ZNF492: variants seen among roughly 807,000 people sequenced by gnomAD.
ZNF492 encodes the protein zinc finger protein 492, also known as zinc finger protein 115 (Y20).
ZNF492 carries 3 observed loss-of-function variants against 6.4 expected under a neutral mutation model. The observed-to-expected ratio is 0.47, with a 90% CI of 0.21 to 1.22. ZNF492 has a LOEUF of 1.22. Ranked by LOEUF, ZNF492 falls within the 50% of genes most tolerant of loss-of-function variation. ZNF492 has a pLI of 0.22. For synonymous variants in ZNF492, 112 were observed against 205.3 expected, an observed-to-expected ratio of 0.55 and a Z score of 3.89; for missense variants, 356 against 612.5, an observed-to-expected ratio of 0.58 and a Z score of 4.42.
chr19:22,661,420 A>T (rs1002244006), intron 3 of ZNF492, among the ~76,000 whole-genome samples: 1 of 152,048 alleles, frequency 6.6e-6, no homozygotes, highest in African/African-American at 2.4e-5. Flanking sequence ...TCTTGGAATG[A>T]GATTTGGACA....
At chr19:22,642,959 A>C (rs1971843176) in intron 1 of ZNF492, among the ~76,000 whole-genome samples, 1 of 152,158 alleles carries the variant, frequency 6.6e-6, no homozygotes, top group Admixed American at 6.5e-5. Context: ...TGCAGGCTGA[A>C]GTACTTACAA....
rs750501823 is a variant in ZNF492 at position 22,663,852 on chromosome 19, T to A, written c.183T>A (p.Asn61Lys). 3.8e-6 allele frequency: 6 copies of A among 1,560,780 alleles called. 1 individual carries two copies. Among genetic ancestry groups the A allele is most frequent in the Middle Eastern group, 1.7e-4 (1 of 5,790 alleles). Residue 61 changes from asparagine to lysine, a missense_variant, in exon 4 of 4, where the codon AAT (asparagine) becomes AAA (lysine). By Grantham distance (94) the Asn-to-Lys change is moderately conservative. Around this residue, in one of 7 missense-constraint regions of ZNF492, gnomAD observed 196 missense variants for 219.4 expected, o/e 0.89. Transcript: ENST00000456783. The stretch of plus-strand genomic sequence containing the variant: ...TTTGGCCAAAGCAGGGCAAAAAAAA[T>A]TATTTCCAAAAAGTGATACTGAGAA... Reference protein sequence around the residue: ...RDLWPKQGKKNYFQKVILRRY... With the variant: ...RDLWPKQGKKKYFQKVILRRY...
chr19:22,655,434 A>C (rs1458281970), intron 3 of ZNF492, among the ~76,000 whole-genome samples: 3 of 151,960 alleles, frequency 2.0e-5, no homozygotes, highest in African/African-American at 7.3e-5. Flanking sequence ...TCAGAAATTT[A>C]TTATTTTAGT....
intron 1 of ZNF492, among the ~76,000 whole-genome samples, chr19:22,652,726 C>G (rs1281072110): frequency 6.6e-6 from 1 of 151,924 alleles, no homozygotes; most frequent in Admixed American, 6.6e-5. Context: ...ACTACGGGCT[C>G]TCGCCTCCAC....
intron 1 of ZNF492, among the ~76,000 whole-genome samples, chr19:22,645,032 T>G (rs1253956321): frequency 6.6e-6 from 1 of 152,080 alleles, no homozygotes; most frequent in African/African-American, 2.4e-5. Flanking sequence ...TTCTGAGAAG[T>G]GTTTGTTCAT....
At chr19:22,648,053 T>C (rs1353296254) in intron 1 of ZNF492, among the ~76,000 whole-genome samples, 2 of 152,146 alleles carry the variant, frequency 1.3e-5, no homozygotes, top group Non-Finnish European at 2.9e-5. Context: ...TTAATTGTGA[T>C]GTTAGGGTGT....
Position 22,664,160 on chromosome 19 carries a change from G to C in ZNF492, c.491G>C (p.Ser164Thr), listed in dbSNP as rs138844698. 19,409 of 1,602,976 alleles carry C rather than the reference G, an allele frequency of 0.012. 1,868 individuals carry two copies. The African/African-American group carries it at 0.23, about 19-fold the overall frequency. The change falls in exon 4 of 4, where the codon AGT becomes ACT. Residue 164 changes from serine (S) to threonine (T), a missense_variant. Physicochemically the swap from Ser to Thr is moderately conservative, Grantham distance 58. Around this residue, in one of 7 missense-constraint regions of ZNF492, gnomAD observed 196 missense variants for 219.4 expected, o/e 0.89. Coordinates refer to ENST00000456783, the MANE Select transcript of ZNF492 (RefSeq NM_020855.3). Reference sequence around the variant, plus strand: ...TTAGCTCAACATAAAAGAATTCATAGTGGAGAGAAACCCTACAAATGTAAA... The same window carrying C: ...TTAGCTCAACATAAAAGAATTCATACTGGAGAGAAACCCTACAAATGTAAA... ...SHLAQHKRIH[S>T]GEKPYKCKEC...
At chr19:22,657,990 ATG>A (rs1199573996) in intron 3 of ZNF492, among the ~76,000 whole-genome samples, 10 of 152,256 alleles carry the variant, frequency 6.6e-5, no homozygotes, top group Admixed American at 6.5e-4. Context: ...CATATTTCCT[ATG>A]TGTGAGGGAA....
At chr19:22,661,236 G>A (rs1972055732) in intron 3 of ZNF492, among the ~76,000 whole-genome samples, 1 of 150,010 alleles carries the variant, frequency 6.7e-6, no homozygotes, top group African/African-American at 2.5e-5. Context: ...TGATATTCTT[G>A]TATTTATTCT....
intron 2 of ZNF492, among the ~76,000 whole-genome samples, chr19:22,653,691 A>G (rs1971965289): frequency 6.6e-6 from 1 of 152,096 alleles, no homozygotes; most frequent in African/African-American, 2.4e-5. Flanking sequence ...TGTTGCCCAC[A>G]TCTTAAAATC....
intron 1 of ZNF492, among the ~76,000 whole-genome samples, chr19:22,640,265 CAA>C (rs1311226755): frequency 6.6e-6 from 1 of 151,950 alleles, no homozygotes; most frequent in African/African-American, 2.4e-5. Context: ...CGGGTTCAAG[CAA>C]TTCTCCTGCC....
At chr19:22,637,829 A>G (rs1971783683) in intron 1 of ZNF492, among the ~76,000 whole-genome samples, 2 of 151,932 alleles carry the variant, frequency 1.3e-5, no homozygotes, top group Non-Finnish European at 2.9e-5. Flanking sequence ...AATAATTTAC[A>G]CTCCCATGGG....
chr19:22,655,476 T>G (rs946396791), intron 3 of ZNF492, among the ~76,000 whole-genome samples: 3 of 151,862 alleles, frequency 2.0e-5, no homozygotes, highest in Admixed American at 1.3e-4. Context: ...TTCTGTCTCT[T>G]TTTTGTCAGA....
Position 22,634,394 on chromosome 19 carries a change from C to A in ZNF492, c.-174C>A. 7.8e-7 allele frequency: 1 copy of A among 1,288,578 alleles called. No homozygotes were observed. The highest frequency in any genetic ancestry group is 1.7e-5 in the Admixed American group (1 of 57,530). 79.8% of individuals were successfully genotyped at this position (1,288,578 alleles called of 1,614,324 possible). ...TTCTGCGTCCTCTGGTCCTAGAGGC[C>A]CATCCTCTGTGGCCCTGTGACCTGC... On this transcript the variant is annotated 5_prime_UTR_variant, in exon 1 of 4. Coordinates refer to ENST00000456783, the MANE Select transcript of ZNF492 (RefSeq NM_020855.3).
rs59051481 is a variant in ZNF492 at position 22,652,221 on chromosome 19, C to CTTTTTTTTTTTTT, written c.-93-1081_-93-1069dup. ...AATCTGGCAGCTGACCTTTCTTAGG[C>CTTTTTTTTTTTTT]TTTTTTTTTTTTTTTTTGAGACGGA... On this transcript the variant is annotated intron_variant, in intron 1 of 3. Transcript: ENST00000456783. 1.6e-3 allele frequency among the ~76,000 whole-genome samples: 166 copies of CTTTTTTTTTTTTT among 105,466 alleles called. 33 individuals carry two copies. The highest frequency in any genetic ancestry group is 7.9e-3 in the African/African-American group (139 of 17,622). The allele number at this position is 105,466 out of a possible 152,430, so 69.2% of individuals were successfully genotyped here.
At chr19:22,640,129 A>G (rs555976406) in intron 1 of ZNF492, among the ~76,000 whole-genome samples, 26 of 151,946 alleles carry the variant, frequency 1.7e-4, no homozygotes, top group African/African-American at 1.2e-4. Context: ...TTCAGTTCTT[A>G]TTATGTGATG....
At chr19:22,635,734 A>G (rs745472915) in intron 1 of ZNF492, among the ~76,000 whole-genome samples, 1 of 152,258 alleles carries the variant, frequency 6.6e-6, no homozygotes, top group African/African-American at 2.4e-5. Flanking sequence ...TGAATAAACC[A>G]AGATAACCGC....
chr19:22,661,934 C>G (rs1212935996), intron 3 of ZNF492, among the ~76,000 whole-genome samples: 1 of 152,144 alleles, frequency 6.6e-6, no homozygotes, highest in African/African-American at 2.4e-5. Context: ...TGTTTCCTGT[C>G]TGTAGTACCA....
intron 1 of ZNF492, among the ~76,000 whole-genome samples, chr19:22,634,692 G>A (rs1431973112): frequency 6.6e-6 from 1 of 152,152 alleles, no homozygotes; most frequent in East Asian, 1.9e-4. Flanking sequence ...CCTGCGCAGT[G>A]ACGGTGCCCT....
Sources: gnomAD v4.1 joint callset for allele counts (sites outside exome capture counted in the v4.1 genomes callset) on GRCh38, gnomAD v4.1.1 for gene constraint, gnomAD v4.1.1 regional missense constraint, MANE v1.5 for transcripts, NCBI Gene and HGNC (gene_info 2026-07-23, HGNC 2026-07-21) for gene names.